ATP10B: variants seen among roughly 807,000 people sequenced by gnomAD.
ATP10B encodes phospholipid-transporting ATPase VB.
A neutral mutation model predicts 141.2 loss-of-function variants in ATP10B; 122 were observed. The observed-to-expected ratio is 0.86, with a 90% confidence interval of 0.75 to 1.00. ATP10B has a LOEUF of 1.00. ATP10B is among the 50% of genes least tolerant of loss of function. The probability of loss-of-function intolerance (pLI) is 0.00; values close to 1 mark genes in which losing one functional copy is unlikely to be tolerated. For missense variants in ATP10B, 1,876 were observed against 1,825.3 expected (o/e 1.03, Z -0.51); for synonymous variants, 685 against 692.0 (o/e 0.99, Z 0.16).
At chr5:160,874,173 C>G in the ATP10B span, among the ~76,000 whole-genome samples, 1 of 152,104 alleles carries the variant, frequency 6.6e-6, no homozygotes, top group Admixed American at 6.5e-5. Context: ...TCTCCCAGCA[C>G]GCAGCTGGAG....
chr5:160,843,877 G>C (rs1775953351), intron 1 of ATP10B, among the ~76,000 whole-genome samples: 1 of 151,650 alleles, frequency 6.6e-6, no homozygotes, highest in Non-Finnish European at 1.5e-5. Flanking sequence ...TTATTTTTTA[G>C]CTTTAAAATT....
intron 1 of ATP10B, among the ~76,000 whole-genome samples, chr5:160,803,806 A>C (rs1255263360): frequency 6.6e-6 from 1 of 152,222 alleles, no homozygotes; most frequent in Admixed American, 6.5e-5. Context: ...GCTCTGGATA[A>C]TGTGAGGTGC....
At chr5:160,833,554 G>A (rs1053527951) in intron 1 of ATP10B, among the ~76,000 whole-genome samples, 8 of 152,126 alleles carry the variant, frequency 5.3e-5, no homozygotes, top group African/African-American at 1.7e-4. Flanking sequence ...AAAATTATGA[G>A]ACAGGCAAAG....
intron 22 of ATP10B, among the ~76,000 whole-genome samples, chr5:160,592,165 A>G (rs1236250185): frequency 6.6e-6 from 1 of 152,208 alleles, no homozygotes; most frequent in East Asian, 1.9e-4. Flanking sequence ...TCTATTTGAT[A>G]CCAGCAAATT....
chr5:160,912,151 A>G, the ATP10B span, among the ~76,000 whole-genome samples: 1 of 152,154 alleles, frequency 6.6e-6, no homozygotes, highest in Non-Finnish European at 1.5e-5. Context: ...CAGTATAACT[A>G]TTACACTTGG....
intron 1 of ATP10B, among the ~76,000 whole-genome samples, chr5:160,837,868 C>A (rs565929868): frequency 6.6e-6 from 1 of 152,076 alleles, no homozygotes; most frequent in Non-Finnish European, 1.5e-5. Flanking sequence ...GACACAATAA[C>A]AATTACTGTT....
chr5:160,760,633 A>G (rs1401691491), intron 2 of ATP10B, among the ~76,000 whole-genome samples: 1 of 152,208 alleles, frequency 6.6e-6, no homozygotes, highest in Non-Finnish European at 1.5e-5. Context: ...AAATGTTAGA[A>G]AGCCTGCTTG....
intron 2 of ATP10B, among the ~76,000 whole-genome samples, chr5:160,734,985 A>G (rs1312569898): frequency 6.6e-6 from 1 of 151,946 alleles, no homozygotes; most frequent in Non-Finnish European, 1.5e-5. Flanking sequence ...CAAATTAAAA[A>G]AGATACAATG....
chr5:160,690,486 C>T (rs1764012802), intron 3 of ATP10B, among the ~76,000 whole-genome samples: 1 of 152,056 alleles, frequency 6.6e-6, no homozygotes, highest in Non-Finnish European at 1.5e-5. Flanking sequence ...CCAGAATCTA[C>T]AAAGAATTTA....
At chr5:160,569,055 TAGAAGCTG>T (rs1165901659) in intron 25 of ATP10B, among the ~76,000 whole-genome samples, 1 of 152,206 alleles carries the variant, frequency 6.6e-6, no homozygotes, top group Non-Finnish European at 1.5e-5. Context: ...GTGGCCATGA[TAGAAGCTG>T]AGAAGCTCTT....
chr5:160,724,101 A>G (rs937341815), intron 2 of ATP10B, among the ~76,000 whole-genome samples: 2 of 152,158 alleles, frequency 1.3e-5, no homozygotes, highest in African/African-American at 4.8e-5. Flanking sequence ...AGAGAGGGGA[A>G]GAACATACAC....
At chr5:160,647,105 CT>C (rs542391569) in intron 8 of ATP10B, among the ~76,000 whole-genome samples, 401 of 152,274 alleles carry the variant, frequency 2.6e-3, no homozygotes, top group African/African-American at 8.8e-3. Flanking sequence ...TGTAGAGATT[CT>C]TTCATTCAAA....
intron 3 of ATP10B, among the ~76,000 whole-genome samples, chr5:160,716,284 T>C (rs1765654791): frequency 6.6e-6 from 1 of 152,226 alleles, no homozygotes; most frequent in Admixed American, 6.5e-5. Flanking sequence ...TAATGTCTTA[T>C]TAAGGGTTAA....
intron 3 of ATP10B, among the ~76,000 whole-genome samples, chr5:160,698,083 C>T (rs1581376714): frequency 6.6e-6 from 1 of 152,206 alleles, no homozygotes; most frequent in African/African-American, 2.4e-5. Context: ...CGGATTTCTC[C>T]CTCGAACTTT....
At chr5:160,789,141 G>A (rs957503513) in intron 1 of ATP10B, among the ~76,000 whole-genome samples, 3 of 152,112 alleles carry the variant, frequency 2.0e-5, no homozygotes, top group African/African-American at 7.2e-5. Context: ...AAATGCTGGT[G>A]AGACAGGCCA....
At chr5:160,831,915 T>A (rs890742623) in intron 1 of ATP10B, among the ~76,000 whole-genome samples, 1 of 152,092 alleles carries the variant, frequency 6.6e-6, no homozygotes, top group African/African-American at 2.4e-5. Flanking sequence ...AGTCTCTATC[T>A]CTAAAAACGA....
intron 6 of ATP10B, among the ~76,000 whole-genome samples, chr5:160,671,933 A>G (rs1365948372): frequency 7.0e-6 from 1 of 143,180 alleles, no homozygotes; most frequent in South Asian, 2.2e-4. Flanking sequence ...TCCCACCTCC[A>G]GCTAAGGAAC....
At chr5:160,843,772 G>A (rs1321349005) in intron 1 of ATP10B, among the ~76,000 whole-genome samples, 1 of 152,124 alleles carries the variant, frequency 6.6e-6, no homozygotes, top group Non-Finnish European at 1.5e-5. Flanking sequence ...AGAATGTCCA[G>A]CAAAAGGACA....
chr5:160,589,503 A>G, intron 24 of ATP10B, 89 bp downstream of exon 24: 1 of 1,012,560 alleles, frequency 9.9e-7, no homozygotes, highest in South Asian at 1.3e-5. Flanking sequence ...GAGTGGATTG[A>G]TAACACAGAA....
Sources: allele counts gnomAD v4.1 joint callset (sites outside exome capture counted in the v4.1 genomes callset), GRCh38; gene constraint gnomAD v4.1.1; transcripts MANE v1.5; gene names NCBI Gene and HGNC (gene_info 2026-07-23, HGNC 2026-07-21).